The following CRYGB variants were observed in gnomAD, a reference collection of about 807,000 sequenced individuals.
CRYGB encodes crystallin gamma B.
Under a neutral mutation model 21.3 loss-of-function variants are expected in CRYGB, and 19 were observed. The ratio of observed to expected loss-of-function variants is 0.89; its 90% confidence interval spans 0.62 to 1.31. The LOEUF is 1.31. CRYGB is among the 50% of genes most tolerant of loss of function. CRYGB has a pLI of 0.00. For synonymous variants in CRYGB, 81 were observed against 81.2 expected (o/e 1.00, Z 0.01); for missense variants, 254 against 228.4 (o/e 1.11, Z -0.72).
At chr2:208,144,554 C>T (rs571919559) in intron 2 of CRYGB, among the ~76,000 whole-genome samples, 1 of 152,022 alleles carries the variant, frequency 6.6e-6, no homozygotes, top group Non-Finnish European at 1.5e-5. Context: ...CAGGCATGCA[C>T]CACCACATCT....
At position 208,143,745 on chromosome 2, in the gene CRYGB, G is replaced by A. The variant is rs138312482; in HGVS notation, c.253-832C>T. 2.7e-3 allele frequency among the ~76,000 whole-genome samples: 414 copies of A among 152,140 alleles called. 1 individual carries two copies. Among genetic ancestry groups the A allele is most frequent in the African/African-American group, 9.2e-3 (384 of 41,528 alleles). The stretch of plus-strand genomic sequence containing the variant: ...CTTAAACTCCGTCAGGAGTTCAGGC[G>A]ATCCACCCACCTCAGCCTCCCAAAG... On this transcript the variant is annotated intron_variant, in intron 2 of 2. Coordinates refer to ENST00000260988, the MANE Select transcript of CRYGB (RefSeq NM_005210.4).
Position 208,146,097 on chromosome 2 carries a change from G to A in CRYGB, c.9+15C>T. ...CATTAGGGCCAAGGCTGAGCATCCGGTACCCAGGACTTACCTTTCCCATTT... is the reference window on the plus strand; with the variant it reads ...CATTAGGGCCAAGGCTGAGCATCCGATACCCAGGACTTACCTTTCCCATTT... On this transcript the variant is annotated intron_variant, in intron 1 of 2. Transcript: ENST00000260988. The A allele has an allele frequency of 6.2e-7, 1 of 1,614,200 alleles. No individual in the cohort carries two copies. The highest frequency in any genetic ancestry group is 8.5e-7 in the Non-Finnish European group (1 of 1,180,012).
chr2:208,144,813 A>ACTCCTGAC (rs1382293470), intron 2 of CRYGB, among the ~76,000 whole-genome samples: 1 of 150,674 alleles, frequency 6.6e-6, no homozygotes, highest in Non-Finnish European at 1.5e-5. Context: ...GTGGTCTTGA[A>ACTCCTGAC]CTCCTGACCT....
intron 2 of CRYGB, 50 bp from the exon 3 acceptor site, chr2:208,142,963 A>G: frequency 6.5e-7 from 1 of 1,537,748 alleles, no homozygotes; most frequent in Non-Finnish European, 8.8e-7. Context: ...AAACAGATGG[A>G]AATTAAAGCT....
At position 208,145,987 on chromosome 2, in the gene CRYGB, C is replaced by G. The variant is rs375354139; in HGVS notation, c.39G>C (p.Gln13His). ...KITFYEDRAF[Q>H]GRSYECTTDC... ...CAGTGGTGCATTCGTAGCTGCGGCCCTGGAAGGCCCTGTCCTCGTAGAAGG... is the reference window on the plus strand; with the variant it reads ...CAGTGGTGCATTCGTAGCTGCGGCCGTGGAAGGCCCTGTCCTCGTAGAAGG... Residue 13 changes from glutamine (Q) to histidine (H), a missense_variant, in exon 2 of 3, where the codon CAG becomes CAC. Coordinates refer to ENST00000260988, the MANE Select transcript of CRYGB (RefSeq NM_005210.4). 6.2e-7 allele frequency: 1 copy of G among 1,614,054 alleles called. No homozygotes were observed. Among genetic ancestry groups the G allele is most frequent in the African/African-American group, 1.3e-5 (1 of 74,906 alleles).
At position 208,142,628 on chromosome 2, in the gene CRYGB, C is replaced by A; in HGVS notation, c.*10G>T. 1 of 1,463,060 alleles carries A rather than the reference C, an allele frequency of 6.8e-7. No homozygotes were observed. The highest frequency in any genetic ancestry group is 1.6e-5 in the South Asian group (1 of 62,098). 90.6% of individuals were successfully genotyped at this position (1,463,060 alleles called of 1,614,324 possible). ...GATTTTAAAGGAGAAAAGTGGAAAA[C>A]GTAAATACTTCAGTACAAATCCATG... On this transcript the variant is annotated 3_prime_UTR_variant, in exon 3 of 3. Transcript: ENST00000260988.
rs1404518572 is a variant in CRYGB at position 208,145,923 on chromosome 2, A to T, written c.103T>A (p.Ser35Thr). The change falls in exon 2 of 3, where the codon TCC (serine) becomes ACC (threonine). Residue 35 changes from serine (S) to threonine (T), a missense_variant. By Grantham distance (58) the Ser-to-Thr change is moderately conservative. Coordinates refer to ENST00000260988, the MANE Select transcript of CRYGB (RefSeq NM_005210.4). ...CAGCAGCCGCTCTCCACCCTGATGG[A>T]GTTGCAGCGGCTGAAATAGGGTTGT... ...NLQPYFSRCN[S>T]IRVESGCWMI... The T allele has an allele frequency of 3.7e-6, 6 of 1,614,020 alleles. No individual in the cohort carries two copies. The highest frequency in any genetic ancestry group is 5.1e-6 in the Non-Finnish European group (6 of 1,180,020).
Position 208,145,867 on chromosome 2 carries a change from G to A in CRYGB, c.159C>T (p.Gly53=), listed in dbSNP as rs1455435130. Residue 53 remains glycine (G), a synonymous_variant, in exon 2 of 3, where the codon GGC becomes GGT. Coordinates refer to ENST00000260988, the MANE Select transcript of CRYGB (RefSeq NM_005210.4). ...WMIYERPNYQ[G]HQYFLRRGEY... is the part of the protein sequence containing the mutation. ...CCCCACGCCGCAGGAAGTACTGGTG[G>A]CCCTGGTAGTTGGGGCGCTCATAGA... is the stretch of plus-strand genomic sequence containing the variant. 2 of 1,614,120 alleles carry A rather than the reference G, an allele frequency of 1.2e-6. No individual in the cohort carries two copies. The highest frequency in any genetic ancestry group is 1.1e-5 in the South Asian group (1 of 91,080).
At chr2:208,143,094 G>A (rs1574336501) in intron 2 of CRYGB, among the ~76,000 whole-genome samples, 181 bp from the exon 3 acceptor site, 1 of 152,212 alleles carries the variant, frequency 6.6e-6, no homozygotes, top group African/African-American at 2.4e-5. Context: ...CCACCGCTGA[G>A]TCTAATGATT....
At chr2:208,143,389 T>G (rs1428923101) in intron 2 of CRYGB, among the ~76,000 whole-genome samples, 2 of 152,226 alleles carry the variant, frequency 1.3e-5, no homozygotes, top group African/African-American at 4.8e-5. Context: ...AATGCATCTC[T>G]GATTGCTTCC....
chr2:208,146,049 A>ATTG (rs747376795), intron 1 of CRYGB, 33 bp from the exon 2 acceptor site: 2 of 1,609,694 alleles, frequency 1.2e-6, no homozygotes, highest in East Asian at 4.5e-5. Context: ...GCATGGAGTG[A>ATTG]TTGGCCCCCA....
chr2:208,144,778 A>AG lies in CRYGB; in HGVS notation c.252+995dup, dbSNP rs1695426971. Among the ~76,000 whole-genome samples the AG allele has an allele frequency of 2.6e-5, 4 of 151,668 alleles. No individual in the cohort carries two copies. The South Asian group carries it at 8.3e-4, about 32-fold the overall frequency. ...GCTAATTTTTGTATTTTTAGTAGAG[A>AG]GGGGGTTTCACCATATTGGCCAGGG... On this transcript the variant is annotated intron_variant, in intron 2 of 2. Transcript: ENST00000260988.
At chr2:208,143,563 C>T (rs1279140691) in intron 2 of CRYGB, among the ~76,000 whole-genome samples, 2 of 124,256 alleles carry the variant, frequency 1.6e-5, no homozygotes, top group African/African-American at 2.8e-5. Context: ...AGTACAATGG[C>T]GCAATCTCAG....
In CRYGB at chr2:208,142,919, G is replaced by A. The variant is rs369409835; in HGVS notation, c.253-6C>T. ...ATTCTGTAAGCGCCAGAGTGCTGGA[G>A]TGGCAGACAGAAAACGCAAGAGTAA... On this transcript the variant is annotated splice_region_variant and splice_polypyrimidine_tract_variant and intron_variant, in intron 2 of 2. Coordinates refer to ENST00000260988, the MANE Select transcript of CRYGB (RefSeq NM_005210.4). 7 of 1,582,642 alleles carry A rather than the reference G, an allele frequency of 4.4e-6. No individual in the cohort carries two copies. The African/African-American group carries it at 8.1e-5, about 18-fold the overall frequency.
At chr2:208,145,579 C>T (rs1363829394) in intron 2 of CRYGB, among the ~76,000 whole-genome samples, 195 bp downstream of exon 2, 1 of 150,978 alleles carries the variant, frequency 6.6e-6, no homozygotes, top group Admixed American at 6.6e-5. Flanking sequence ...ATCCCAACTA[C>T]TCAGGAGGCT....
In CRYGB at chr2:208,145,037, T is replaced by A. The variant is rs142602805; in HGVS notation, c.252+737A>T. ...TCCCACACACCACAATTCTAAGAAT[T>A]CTGCAGTCACTGCCCAGAAAATATG... On this transcript the variant is annotated intron_variant, in intron 2 of 2. Coordinates refer to ENST00000260988, the MANE Select transcript of CRYGB (RefSeq NM_005210.4). Among the ~76,000 whole-genome samples, 3 of 152,296 alleles carry A rather than the reference T, an allele frequency of 2.0e-5. No individual in the cohort carries two copies. In the East Asian group the frequency reaches 5.8e-4, roughly 29 times the overall value.
In CRYGB at chr2:208,146,012, G is replaced by A; in HGVS notation, c.14C>T (p.Thr5Ile). Residue 5 changes from threonine to isoleucine, a missense_variant, in exon 2 of 3, where the codon ACC (threonine) becomes ATC (isoleucine). By Grantham distance (89) the Thr-to-Ile change is moderately conservative (BLOSUM62 -1). Transcript: ENST00000260988. MGKI[T>I]FYEDRAFQGR... is the part of the protein sequence containing the mutation. ...CTGGAAGGCCCTGTCCTCGTAGAAG[G>A]TGATCTGAAAAATGGAAGATGTGGG... The A allele has an allele frequency of 6.2e-7, 1 of 1,614,170 alleles. No individual in the cohort carries two copies. The highest frequency in any genetic ancestry group is 8.5e-7 in the Non-Finnish European group (1 of 1,180,036).
rs566976601 is a variant in CRYGB at position 208,144,768 on chromosome 2, T to G, written c.252+1006A>C. ...ACCAAGCCCAGCTAATTTTTGTATT[T>G]TTAGTAGAGAGGGGGTTTCACCATA... On this transcript the variant is annotated intron_variant, in intron 2 of 2. Transcript: ENST00000260988. 7.6e-4 allele frequency among the ~76,000 whole-genome samples: 116 copies of G among 152,006 alleles called. 2 individuals carry two copies. The South Asian group carries it at 0.024, about 31-fold the overall frequency.
intron 2 of CRYGB, among the ~76,000 whole-genome samples, chr2:208,145,376 A>T (rs921571009): frequency 6.6e-6 from 1 of 151,908 alleles, no homozygotes; most frequent in Non-Finnish European, 1.5e-5. Context: ...CCGCCCGAGT[A>T]GCTGGGATTT....
Sources: gnomAD v4.1 joint callset for allele counts (sites outside exome capture counted in the v4.1 genomes callset) on GRCh38, gnomAD v4.1.1 for gene constraint, MANE v1.5 for transcripts, NCBI Gene and HGNC (gene_info 2026-07-23, HGNC 2026-07-21) for gene names.